The following KLF8 variants were observed in gnomAD, a reference collection of about 807,000 sequenced individuals.
KLF8 encodes KLF transcription factor 8, also known as Krueppel-like factor 8.
A neutral mutation model predicts 18.2 loss-of-function variants in KLF8; 10 were observed. That is an observed-to-expected ratio of 0.55 (90% CI 0.34 to 0.93). KLF8 has a LOEUF of 0.93. KLF8 is among the 40% of genes least tolerant of loss of function. The probability of loss-of-function intolerance (pLI) is 0.02; values close to 1 mark genes in which losing one functional copy is unlikely to be tolerated. For synonymous variants in KLF8, 109 were observed against 97.3 expected (o/e 1.12, Z -0.71); for missense variants, 264 against 277.9 (o/e 0.95, Z 0.36).
In KLF8 at chrX:56,269,411, A is replaced by G. The variant is rs1324948642; in HGVS notation, c.680A>G (p.Glu227Gly). ...KVDPTSMSPL[E>G]IPSDSEESTI... ...GACCCCACCTCCATGTCTCCACTGG[A>G]AATTCCAAGTGACAGTGAGGAGAGT... Residue 227 changes from glutamate (E) to glycine (G), a missense_variant, in exon 4 of 6, where the codon GAA becomes GGA. Coordinates refer to ENST00000468660, the MANE Select transcript of KLF8 (RefSeq NM_007250.5). The G allele has an allele frequency of 8.3e-7, 1 of 1,209,478 alleles. No homozygotes were observed. The highest frequency in any genetic ancestry group is 1.1e-6 in the Non-Finnish European group (1 of 894,501).
chrX:56,133,072 A>G, the KLF8 span, among the ~76,000 whole-genome samples: 1 of 111,849 alleles, frequency 8.9e-6, no homozygotes, highest in Non-Finnish European at 1.9e-5. Context: ...TCACAGCTGA[A>G]TTCTATCAGA....
chrX:56,022,551 C>CAAAAAAAAAAAAAAAAAA, the KLF8 span, among the ~76,000 whole-genome samples: 3 of 27,308 alleles, frequency 1.1e-4, no homozygotes, highest in African/African-American at 3.0e-4. Flanking sequence ...TCTGTCTGAC[C>CAAAAAAAAAAAAAAAAAA]AAAAAAAAAA....
chrX:56,137,628 G>A, the KLF8 span, among the ~76,000 whole-genome samples: 2 of 101,502 alleles, frequency 2.0e-5, no homozygotes, highest in Non-Finnish European at 4.0e-5. Flanking sequence ...GGGAGGGATA[G>A]CATTGGGAGA....
In KLF8 at chrX:56,288,826, G is replaced by A. The variant is rs777030055; in HGVS notation, c.*4332G>A. 4.0e-4 allele frequency among the ~76,000 whole-genome samples: 45 copies of A among 112,216 alleles called. No homozygotes were observed. Among genetic ancestry groups the A allele is most frequent in the Non-Finnish European group, 6.6e-4 (35 of 53,265 alleles). ...TATCAGCAAAGTGCAATAAAGTGAA[G>A]CACAATAAAACGAGGTATGCCTGTA... On this transcript the variant is annotated 3_prime_UTR_variant, in exon 6 of 6. Coordinates refer to ENST00000468660, the MANE Select transcript of KLF8 (RefSeq NM_007250.5).
At chrX:56,254,382 A>T (rs1356350778) in intron 2 of KLF8, among the ~76,000 whole-genome samples, 2 of 111,337 alleles carry the variant, frequency 1.8e-5, no homozygotes, top group Admixed American at 9.5e-5. Context: ...GCAAAACTCT[A>T]TGCGCACCCC....
the KLF8 span, among the ~76,000 whole-genome samples, chrX:55,940,008 C>G: frequency 5.4e-5 from 6 of 111,928 alleles, no homozygotes; most frequent in African/African-American, 2.0e-4. Context: ...AAGAGGGAAT[C>G]CTCCCTAACT....
At chrX:55,982,626 A>G in the KLF8 span, among the ~76,000 whole-genome samples, 1 of 111,971 alleles carries the variant, frequency 8.9e-6, no homozygotes, top group South Asian at 3.7e-4. Context: ...TACTAGAGCT[A>G]GTATCTTAGC....
the KLF8 span, among the ~76,000 whole-genome samples, chrX:56,049,806 C>A: frequency 9.1e-6 from 1 of 110,123 alleles, no homozygotes; most frequent in African/African-American, 3.3e-5. Flanking sequence ...AGGATTCCCT[C>A]TTTTTCTATT....
At chrX:55,954,729 C>G in the KLF8 span, among the ~76,000 whole-genome samples, 1 of 111,773 alleles carries the variant, frequency 8.9e-6, no homozygotes, top group Admixed American at 9.5e-5. Flanking sequence ...AAAATATTTA[C>G]ATGTGAATGT....
At chrX:55,941,129 G>T in the KLF8 span, among the ~76,000 whole-genome samples, 4 of 111,786 alleles carry the variant, frequency 3.6e-5, no homozygotes, top group South Asian at 7.5e-4. Flanking sequence ...ATACTACAAG[G>T]CTACAGTAAC....
chrX:56,181,791 C>A, the KLF8 span, among the ~76,000 whole-genome samples: 1 of 105,005 alleles, frequency 9.5e-6, no homozygotes, highest in African/African-American at 3.7e-5. Context: ...AATATTGCTC[C>A]CCCCCCTTCT....
At chrX:56,001,290 C>A in the KLF8 span, among the ~76,000 whole-genome samples, 2 of 112,174 alleles carry the variant, frequency 1.8e-5, no homozygotes, top group Non-Finnish European at 3.8e-5. Context: ...GAGTTCAAAT[C>A]ATGTATTCAT....
At chrX:56,195,404 T>G in the KLF8 span, among the ~76,000 whole-genome samples, 8 of 112,218 alleles carry the variant, frequency 7.1e-5, no homozygotes, top group Non-Finnish European at 1.3e-4. Context: ...CTAATGGAGC[T>G]GAAAACCATG....
the KLF8 span, among the ~76,000 whole-genome samples, chrX:56,177,878 G>C: frequency 1.8e-5 from 2 of 112,071 alleles, no homozygotes; most frequent in African/African-American, 3.2e-5. Context: ...GCAAGGATCC[G>C]TGGGTGTAGG....
the KLF8 span, among the ~76,000 whole-genome samples, chrX:55,998,330 G>A: frequency 1.8e-5 from 2 of 111,386 alleles, no homozygotes. Flanking sequence ...CGGGTGTCGG[G>A]CTGGGGGACG....
the KLF8 span, among the ~76,000 whole-genome samples, chrX:55,912,624 T>C: frequency 1.8e-5 from 2 of 111,403 alleles, no homozygotes; most frequent in African/African-American, 6.5e-5. Flanking sequence ...TTATCCAAGA[T>C]CATACAGCTA....
the KLF8 span, among the ~76,000 whole-genome samples, chrX:56,180,973 T>C: frequency 8.9e-6 from 1 of 111,763 alleles, no homozygotes; most frequent in Non-Finnish European, 1.9e-5. Flanking sequence ...ATGTGTCTGT[T>C]AGGTCTGCTT....
chrX:55,966,402 A>T, the KLF8 span, among the ~76,000 whole-genome samples: 3 of 112,425 alleles, frequency 2.7e-5, no homozygotes, highest in Admixed American at 2.8e-4. Context: ...AGTCCAAGAC[A>T]GTTGTCCATG....
At chrX:56,189,279 A>C in the KLF8 span, among the ~76,000 whole-genome samples, 2 of 112,339 alleles carry the variant, frequency 1.8e-5, no homozygotes, top group African/African-American at 6.5e-5. Context: ...AATGCTCATC[A>C]TCACTGGCCA....
Sources: gnomAD v4.1 joint callset for allele counts (sites outside exome capture counted in the v4.1 genomes callset) on GRCh38, gnomAD v4.1.1 for gene constraint, MANE v1.5 for transcripts, NCBI Gene and HGNC (gene_info 2026-07-23, HGNC 2026-07-21) for gene names.